Variants in SYNDIG1 observed in about 807,000 individuals in gnomAD.
The protein encoded by SYNDIG1 is synapse differentiation-inducing gene protein 1.
A neutral mutation model predicts 19.4 loss-of-function variants in SYNDIG1; 9 were observed. That is an observed-to-expected ratio of 0.46 (90% confidence interval 0.28 to 0.81). The LOEUF is 0.81. Among genes scored for constraint, SYNDIG1 ranks in the 30% least tolerant of loss-of-function variants. The pLI is 0.12. For missense variants in SYNDIG1, 311 were observed against 343.3 expected (o/e 0.91, Z 0.74); for synonymous variants, 141 against 145.9 (o/e 0.97, Z 0.24).
intron 2 of SYNDIG1, among the ~76,000 whole-genome samples, chr20:24,553,838 C>G (rs960142259): frequency 2.6e-5 from 4 of 152,134 alleles, no homozygotes; most frequent in Non-Finnish European, 5.9e-5. Context: ...TTTTCCAATT[C>G]TGTGAAGAAA....
chr20:24,564,163 G>C (rs2057998022), intron 2 of SYNDIG1, among the ~76,000 whole-genome samples: 2 of 152,120 alleles, frequency 1.3e-5, no homozygotes, highest in Non-Finnish European at 2.9e-5. Flanking sequence ...GGAAAAAAGT[G>C]ATGATAAACA....
chr20:24,591,377 G>A (rs2058509877), intron 3 of SYNDIG1, among the ~76,000 whole-genome samples: 1 of 152,032 alleles, frequency 6.6e-6, no homozygotes, highest in South Asian at 2.1e-4. Context: ...CTGAGTGACA[G>A]AATGGGACCT....
intron 3 of SYNDIG1, among the ~76,000 whole-genome samples, chr20:24,620,131 AT>A (rs2059016149): frequency 6.6e-6 from 1 of 152,246 alleles, no homozygotes; most frequent in Non-Finnish European, 1.5e-5. Flanking sequence ...AAAGGAAAGT[AT>A]TTTATACACA....
chr20:24,609,715 A>G (rs1381339693), intron 3 of SYNDIG1, among the ~76,000 whole-genome samples: 1 of 152,142 alleles, frequency 6.6e-6, no homozygotes, highest in Non-Finnish European at 1.5e-5. Flanking sequence ...TGAGTTTATA[A>G]CCAAAGTCAC....
chr20:24,628,908 GT>G (rs1568699848), intron 3 of SYNDIG1, among the ~76,000 whole-genome samples: 1 of 152,190 alleles, frequency 6.6e-6, no homozygotes, highest in Non-Finnish European at 1.5e-5. Flanking sequence ...AAGCAAGCAG[GT>G]TTGTAGGCTT....
chr20:24,617,320 G>C (rs747561689), intron 3 of SYNDIG1, among the ~76,000 whole-genome samples: 1 of 152,072 alleles, frequency 6.6e-6, no homozygotes, highest in Non-Finnish European at 1.5e-5. Flanking sequence ...GCCCCATCAG[G>C]ACACCCTCCT....
At chr20:24,619,833 C>G (rs540090809) in intron 3 of SYNDIG1, among the ~76,000 whole-genome samples, 1 of 152,168 alleles carries the variant, frequency 6.6e-6, no homozygotes, top group Non-Finnish European at 1.5e-5. Flanking sequence ...TGTGCAAAAT[C>G]AGGGTTCTGT....
chr20:24,551,558 T>A (rs2146798678), intron 2 of SYNDIG1, among the ~76,000 whole-genome samples: 1 of 152,028 alleles, frequency 6.6e-6, no homozygotes, highest in Admixed American at 6.5e-5. Context: ...TTTACCTATT[T>A]TTTTTTTTAG....
chr20:24,496,771 C>T (rs1354843994), intron 1 of SYNDIG1, among the ~76,000 whole-genome samples: 1 of 152,170 alleles, frequency 6.6e-6, no homozygotes, highest in Non-Finnish European at 1.5e-5. Flanking sequence ...CACTATATCC[C>T]CTGACACAAT....
At chr20:24,661,007 C>A (rs1009555091) in intron 3 of SYNDIG1, among the ~76,000 whole-genome samples, 2 of 152,240 alleles carry the variant, frequency 1.3e-5, no homozygotes, top group African/African-American at 2.4e-5. Context: ...CAGCTGCACC[C>A]CCACAGCCTG....
At chr20:24,646,600 G>T (rs560494663) in intron 3 of SYNDIG1, among the ~76,000 whole-genome samples, 2 of 151,812 alleles carry the variant, frequency 1.3e-5, no homozygotes, top group Non-Finnish European at 2.9e-5. Context: ...GCAGCCCGAG[G>T]TCCTCACCAT....
At chr20:24,522,929 A>G (rs1484234045) in intron 1 of SYNDIG1, among the ~76,000 whole-genome samples, 1 of 152,228 alleles carries the variant, frequency 6.6e-6, no homozygotes, top group African/African-American at 2.4e-5. Flanking sequence ...ACTCCTTGCC[A>G]CAAGGATGGC....
intron 2 of SYNDIG1, among the ~76,000 whole-genome samples, chr20:24,552,070 T>C (rs1414716970): frequency 6.6e-6 from 1 of 152,210 alleles, no homozygotes; most frequent in Admixed American, 6.5e-5. Context: ...ATCAGAAATA[T>C]TTACTTTTAG....
rs114293871 is a variant in SYNDIG1, at chr20:24,594,843, A to G, written c.618+9850A>G. Among the ~76,000 whole-genome samples the G allele has an allele frequency of 2.0e-4, 31 of 152,278 alleles. 1 individual carries two copies. The highest frequency in any genetic ancestry group is 7.2e-4 in the African/African-American group (30 of 41,568). On this transcript the variant is annotated intron_variant, in intron 3 of 3. Transcript: ENST00000376862. ...GGTGTTGTTGGTGTATAGCAATGCTACTGATTTTTGCATGTTGATTTTGTA... is the reference window on the plus strand; with the variant it reads ...GGTGTTGTTGGTGTATAGCAATGCTGCTGATTTTTGCATGTTGATTTTGTA...
At chr20:24,610,475 A>C (rs1369766186) in intron 3 of SYNDIG1, among the ~76,000 whole-genome samples, 1 of 152,232 alleles carries the variant, frequency 6.6e-6, no homozygotes, top group Non-Finnish European at 1.5e-5. Flanking sequence ...CTAATCAGCC[A>C]GAATGAATGT....
At chr20:24,548,661 T>G (rs1369915161) in intron 2 of SYNDIG1, among the ~76,000 whole-genome samples, 1 of 152,236 alleles carries the variant, frequency 6.6e-6, no homozygotes, top group Non-Finnish European at 1.5e-5. Flanking sequence ...TTTGAGGTGC[T>G]GCTGATTTGG....
intron 3 of SYNDIG1, among the ~76,000 whole-genome samples, chr20:24,590,649 G>C (rs900154840): frequency 2.6e-5 from 4 of 152,118 alleles, no homozygotes; most frequent in African/African-American, 9.7e-5. Flanking sequence ...GGAAGGGAGG[G>C]ATGCCCTGGA....
intron 1 of SYNDIG1, among the ~76,000 whole-genome samples, chr20:24,477,315 G>A (rs1001104517): frequency 1.5e-4 from 23 of 151,862 alleles, no homozygotes; most frequent in East Asian, 5.8e-4. Context: ...GCCATAGCCC[G>A]TCCTCAAACA....
chr20:24,514,782 A>G (rs1204279976), intron 1 of SYNDIG1, among the ~76,000 whole-genome samples: 2 of 152,204 alleles, frequency 1.3e-5, no homozygotes, highest in Non-Finnish European at 2.9e-5. Flanking sequence ...GACCTAATAG[A>G]CATCTACAGA....
Sources: gnomAD v4.1 joint callset for allele counts (sites outside exome capture counted in the v4.1 genomes callset) on GRCh38, gnomAD v4.1.1 for gene constraint, MANE v1.5 for transcripts, NCBI Gene and HGNC (gene_info 2026-07-23, HGNC 2026-07-21) for gene names.